The following ATP13A5 variants were observed in gnomAD, a reference collection of about 807,000 sequenced individuals.
ATP13A5 encodes probable cation-transporting ATPase 13A5.
ATP13A5 carries 149 observed loss-of-function variants against 150.2 expected under a neutral mutation model. The observed-to-expected ratio is 0.99, with a 90% CI of 0.87 to 1.14. ATP13A5 has a LOEUF of 1.14. Ranked by LOEUF, ATP13A5 falls within the 50% of genes most tolerant of loss-of-function variation. ATP13A5 has a pLI of 0.00. For synonymous variants in ATP13A5, 497 were observed against 522.2 expected (o/e 0.95, Z 0.66); for missense variants, 1,383 against 1,449.3 (o/e 0.95, Z 0.74).
At chr3:193,334,229 A>G (rs73074765) in intron 10 of ATP13A5, among the ~76,000 whole-genome samples, 8,094 of 152,272 alleles carry the variant, frequency 0.053, 629 homozygotes, top group African/African-American at 0.18. Context: ...TGTAAAGTGT[A>G]TTTTGCATCT....
intron 24 of ATP13A5, 71 bp downstream of exon 24, chr3:193,301,140 G>C: frequency 8.4e-7 from 1 of 1,192,854 alleles, no homozygotes; most frequent in Non-Finnish European, 1.2e-6. Context: ...TTGTATAGGA[G>C]CTACACCCTG....
At chr3:193,315,868 ATGTG>A (rs61384719) in intron 17 of ATP13A5, among the ~76,000 whole-genome samples, 1 of 151,102 alleles carries the variant, frequency 6.6e-6, no homozygotes, top group African/African-American at 2.4e-5. Context: ...ACCCTGTTTT[ATGTG>A]TGTGTGTGTG....
rs551939833 is a variant in ATP13A5, at chr3:193,331,128, C to A, written c.1456G>T (p.Asp486Tyr). The A allele has an allele frequency of 1.2e-6, 2 of 1,613,402 alleles. No individual in the cohort carries two copies. Among genetic ancestry groups the A allele is most frequent in the East Asian group, 4.5e-5 (2 of 44,864 alleles). Residue 486 changes from aspartate to tyrosine, a missense_variant, in exon 12 of 30, where the codon GAC (aspartate) becomes TAC (tyrosine). Asp to Tyr is a radical substitution (Grantham distance 160). Transcript: ENST00000342358. ...CTGAGAAGTCTGGATCATACTTTGT[C>A]AAAGCACACGAGGTTTATTTGCCCA... ...MCGQINLVCFDKTGTLTEDGL... is the reference protein window; with the variant it reads ...MCGQINLVCFYKTGTLTEDGL...
chr3:193,362,909 C>T (rs1030762900), intron 3 of ATP13A5, among the ~76,000 whole-genome samples: 1 of 152,092 alleles, frequency 6.6e-6, no homozygotes, highest in Non-Finnish European at 1.5e-5. Context: ...ATCCTCCTGC[C>T]TCAACCTCCT....
At chr3:193,285,457 C>T (rs1260952726) in intron 26 of ATP13A5, among the ~76,000 whole-genome samples, 1 of 152,152 alleles carries the variant, frequency 6.6e-6, no homozygotes, top group Non-Finnish European at 1.5e-5. Flanking sequence ...AACAAGACTC[C>T]TAACTTGAGT....
rs1022185975 is a variant in ATP13A5 at position 193,338,757 on chromosome 3, T to A, written c.944-3658A>T. Among the ~76,000 whole-genome samples, 4 of 152,298 alleles carry A rather than the reference T, an allele frequency of 2.6e-5. No individual in the cohort carries two copies. In the East Asian group the frequency reaches 7.7e-4, roughly 29 times the overall value. On this transcript the variant is annotated intron_variant, in intron 9 of 29. Coordinates refer to ENST00000342358, the MANE Select transcript of ATP13A5 (RefSeq NM_198505.4). Reference sequence around the variant, plus strand: ...GATGATGCTGGCCTCATAAAATGAGTTAGGGAGGATTCCCTCTTTTTCTAG... The same window carrying A: ...GATGATGCTGGCCTCATAAAATGAGATAGGGAGGATTCCCTCTTTTTCTAG...
At chr3:193,369,617 A>AG (rs975895349) in intron 1 of ATP13A5, among the ~76,000 whole-genome samples, 2 of 16,430 alleles carry the variant, frequency 1.2e-4, no homozygotes, top group African/African-American at 3.1e-4. Flanking sequence ...GAGAGCCAGG[A>AG]ACATGTTTGT....
At chr3:193,288,495 A>C (rs1717815459) in intron 26 of ATP13A5, among the ~76,000 whole-genome samples, 2 of 152,142 alleles carry the variant, frequency 1.3e-5, no homozygotes, top group Non-Finnish European at 2.9e-5. Context: ...GAAGGCTCAG[A>C]TGATCATTAG....
chr3:193,317,605 T>C (rs1362528926), intron 17 of ATP13A5, among the ~76,000 whole-genome samples: 2 of 152,168 alleles, frequency 1.3e-5, no homozygotes, highest in African/African-American at 2.4e-5. Context: ...TTTTAAGAAG[T>C]TTTAAATTTT....
chr3:193,290,806 C>T (rs1717922029), intron 25 of ATP13A5, among the ~76,000 whole-genome samples: 1 of 152,110 alleles, frequency 6.6e-6, no homozygotes, highest in Non-Finnish European at 1.5e-5. Context: ...TTAGTAGCTA[C>T]ATATATGAAC....
chr3:193,284,122 G>C (rs1328585097), intron 27 of ATP13A5, among the ~76,000 whole-genome samples: 1 of 151,626 alleles, frequency 6.6e-6, no homozygotes, highest in Non-Finnish European at 1.5e-5. Flanking sequence ...CCAGGCTCAA[G>C]CAATCCTCTC....
chr3:193,335,339 T>A (rs1711813355), intron 9 of ATP13A5, among the ~76,000 whole-genome samples: 1 of 152,304 alleles, frequency 6.6e-6, no homozygotes, highest in Non-Finnish European at 1.5e-5. Flanking sequence ...TGGTTTGTTG[T>A]CATAATTTTA....
At chr3:193,357,579 G>A (rs558437606) in intron 5 of ATP13A5, among the ~76,000 whole-genome samples, 2 of 152,338 alleles carry the variant, frequency 1.3e-5, no homozygotes, top group Non-Finnish European at 2.9e-5. Context: ...TGGTTCACAT[G>A]AGGAAAGGTC....
intron 16 of ATP13A5, among the ~76,000 whole-genome samples, chr3:193,321,348 C>T (rs1031575674): frequency 2.6e-5 from 4 of 152,132 alleles, no homozygotes; most frequent in Non-Finnish European, 4.4e-5. Flanking sequence ...TATTTGGTCT[C>T]GGCTGGCCGC....
chr3:193,378,556 TA>T, intron 1 of ATP13A5, 106 bp downstream of exon 1: 1 of 1,034,386 alleles, frequency 9.7e-7, no homozygotes, highest in Non-Finnish European at 1.5e-6. Context: ...TTCAAGGTCC[TA>T]AAGCCTGAAG....
intron 11 of ATP13A5, among the ~76,000 whole-genome samples, chr3:193,332,989 C>T (rs563389568): frequency 1.6e-4 from 24 of 152,242 alleles, no homozygotes; most frequent in African/African-American, 4.6e-4. Flanking sequence ...CAGGCCCCAT[C>T]GTGGGCCTCT....
In ATP13A5 at chr3:193,275,308, A is replaced by G. The variant is rs768500710; in HGVS notation, c.3397-6T>C. 8 of 1,611,576 alleles carry G rather than the reference A, an allele frequency of 5.0e-6. No individual in the cohort carries two copies. The South Asian group carries it at 8.8e-5, about 18-fold the overall frequency. ...TGATTTTGAAGGATGGAATCCTGAA[A>G]AATCAGATGGGAAAACAATCAATTT... is the stretch of plus-strand genomic sequence containing the variant. On this transcript the variant is annotated splice_polypyrimidine_tract_variant and splice_region_variant and intron_variant, in intron 29 of 29. Transcript: ENST00000342358.
intron 12 of ATP13A5, among the ~76,000 whole-genome samples, chr3:193,328,228 T>A (rs535849839): frequency 1.3e-5 from 2 of 152,338 alleles, no homozygotes; most frequent in Admixed American, 1.3e-4. Flanking sequence ...ACGGGGTATG[T>A]GGAAAGACAA....
chr3:193,326,275 G>A (rs1719464584), intron 13 of ATP13A5, among the ~76,000 whole-genome samples: 1 of 152,158 alleles, frequency 6.6e-6, no homozygotes, highest in Non-Finnish European at 1.5e-5. Flanking sequence ...GCCACAGGGA[G>A]ATACCATGAG....
Sources: gnomAD v4.1 joint callset for allele counts (sites outside exome capture counted in the v4.1 genomes callset) on GRCh38, gnomAD v4.1.1 for gene constraint, MANE v1.5 for transcripts, NCBI Gene and HGNC (gene_info 2026-07-23, HGNC 2026-07-21) for gene names.